CHCHD6: variants seen among roughly 807,000 people sequenced by gnomAD.
CHCHD6 encodes MICOS complex subunit MIC25.
Under a neutral mutation model 32.3 loss-of-function variants are expected in CHCHD6, and 28 were observed. The observed-to-expected ratio is 0.87, with a 90% confidence interval of 0.64 to 1.19. CHCHD6 has a LOEUF of 1.19. CHCHD6 is among the 50% of genes most tolerant of loss of function. The pLI is 0.00. For synonymous variants in CHCHD6, 122 were observed against 117.5 expected, an observed-to-expected ratio of 1.04 and a Z score of -0.25; for missense variants, 333 against 307.0, an observed-to-expected ratio of 1.08 and a Z score of -0.63.
At chr3:126,870,217 C>T (rs1032250973) in intron 5 of CHCHD6, among the ~76,000 whole-genome samples, 1 of 152,266 alleles carries the variant, frequency 6.6e-6, no homozygotes, top group Admixed American at 6.5e-5. Context: ...TATTCAGTCA[C>T]TTCTTCCTCC....
chr3:126,766,943 C>G, intron 4 of CHCHD6: 1 of 1,021,090 alleles, frequency 9.8e-7, no homozygotes, highest in Non-Finnish European at 1.5e-6. Flanking sequence ...CAGGAGAAGA[C>G]TCACTTCTGG....
At chr3:126,773,492 C>T (rs1937580307) in intron 4 of CHCHD6, among the ~76,000 whole-genome samples, 1 of 152,106 alleles carries the variant, frequency 6.6e-6, no homozygotes, top group African/African-American at 2.4e-5. Context: ...GAAAGTTTTC[C>T]TACTGTTCTC....
intron 4 of CHCHD6, among the ~76,000 whole-genome samples, chr3:126,756,823 G>A (rs1576378113): frequency 6.6e-6 from 1 of 152,238 alleles, no homozygotes; most frequent in South Asian, 2.1e-4. Context: ...TGTATGGAAT[G>A]TAAGGATGGA....
At chr3:126,765,980 C>T (rs1355935151) in intron 4 of CHCHD6, among the ~76,000 whole-genome samples, 2 of 152,132 alleles carry the variant, frequency 1.3e-5, no homozygotes, top group African/African-American at 2.4e-5. Context: ...TGGAAGCAGG[C>T]CGGTGACTTT....
chr3:126,915,827 G>C (rs1481627835), intron 6 of CHCHD6, among the ~76,000 whole-genome samples: 3 of 152,292 alleles, frequency 2.0e-5, no homozygotes, highest in African/African-American at 7.2e-5. Context: ...GTCTCACTGT[G>C]TGGGCCCAGC....
At chr3:126,771,335 G>A (rs2107676954) in intron 4 of CHCHD6, among the ~76,000 whole-genome samples, 1 of 151,786 alleles carries the variant, frequency 6.6e-6, no homozygotes, top group South Asian at 2.1e-4. Context: ...CTCCTGAGTA[G>A]CTGGGACTAC....
intron 6 of CHCHD6, among the ~76,000 whole-genome samples, chr3:126,915,482 A>T (rs2078155481): frequency 6.6e-6 from 1 of 152,208 alleles, no homozygotes. Flanking sequence ...CTCTGTGTGA[A>T]GTTGGTCTCT....
At chr3:126,934,600 G>A (rs2078452499) in intron 6 of CHCHD6, among the ~76,000 whole-genome samples, 1 of 140,094 alleles carries the variant, frequency 7.1e-6, no homozygotes, top group African/African-American at 2.7e-5. Context: ...CCAGGCTGGA[G>A]TGCAGTGGCA....
At chr3:126,809,071 A>G (rs763136184) in intron 4 of CHCHD6, among the ~76,000 whole-genome samples, 4 of 151,984 alleles carry the variant, frequency 2.6e-5, no homozygotes, top group Non-Finnish European at 5.9e-5. Flanking sequence ...TCCCAGGTTC[A>G]AGTGATTCTC....
chr3:126,809,179 G>A lies in CHCHD6; in HGVS notation c.412-43468G>A, dbSNP rs927910031. ...AGCAGAGACAGAGTTTTGCTATGTT[G>A]GCCAGGCTGGTCTGGAACTCCTGGC... On this transcript the variant is annotated intron_variant, in intron 4 of 7. Coordinates refer to ENST00000290913, the MANE Select transcript of CHCHD6 (RefSeq NM_032343.3). 2.0e-5 allele frequency among the ~76,000 whole-genome samples: 3 copies of A among 152,160 alleles called. 1 individual carries two copies.
In CHCHD6 at chr3:126,714,776, G is replaced by T. The variant is rs565560472; in HGVS notation, c.87+10377G>T. 3.9e-5 allele frequency among the ~76,000 whole-genome samples: 6 copies of T among 152,298 alleles called. No individual in the cohort carries two copies. The East Asian group carries it at 1.2e-3, about 29-fold the overall frequency. On this transcript the variant is annotated intron_variant, in intron 1 of 7. Coordinates refer to ENST00000290913, the MANE Select transcript of CHCHD6 (RefSeq NM_032343.3). Reference sequence around the variant, plus strand: ...ACACTGCGTTGAGTGGATGGAGCATGGCTGCGTAGGCCTGTCTCGGCTGCT... The same window carrying T: ...ACACTGCGTTGAGTGGATGGAGCATTGCTGCGTAGGCCTGTCTCGGCTGCT...
chr3:126,767,143 C>T, intron 4 of CHCHD6: 1 of 1,582,450 alleles, frequency 6.3e-7, no homozygotes, highest in Non-Finnish European at 8.7e-7. Context: ...ATTCATGGCA[C>T]CCAAAGGAAT....
At chr3:126,883,269 G>T (rs890346957) in intron 5 of CHCHD6, among the ~76,000 whole-genome samples, 8 of 152,204 alleles carry the variant, frequency 5.3e-5, no homozygotes, top group African/African-American at 1.9e-4. Flanking sequence ...AATCCCAAGA[G>T]GAGGCTGTGG....
chr3:126,915,137 A>G (rs2107590568), intron 6 of CHCHD6, among the ~76,000 whole-genome samples: 1 of 152,284 alleles, frequency 6.6e-6, no homozygotes, highest in African/African-American at 2.4e-5. Context: ...AGGGGTTTTT[A>G]GGGGAAGGTG....
At chr3:126,778,735 G>A (rs1937774604) in intron 4 of CHCHD6, among the ~76,000 whole-genome samples, 1 of 152,026 alleles carries the variant, frequency 6.6e-6, no homozygotes, top group East Asian at 1.9e-4. Flanking sequence ...ACTTGATAGT[G>A]TCCTTTGAAG....
At chr3:126,707,252 A>G (rs1375969893) in intron 1 of CHCHD6, among the ~76,000 whole-genome samples, 1 of 142,760 alleles carries the variant, frequency 7.0e-6, no homozygotes, top group Non-Finnish European at 1.5e-5. Context: ...GGTGACAGAG[A>G]CTCCGTCTTA....
intron 6 of CHCHD6, among the ~76,000 whole-genome samples, chr3:126,940,356 T>A (rs1385621880): frequency 6.6e-6 from 1 of 152,236 alleles, no homozygotes; most frequent in Non-Finnish European, 1.5e-5. Flanking sequence ...TGCACAATAT[T>A]TGTATATCAG....
At chr3:126,714,522 C>T (rs1934918033) in intron 1 of CHCHD6, among the ~76,000 whole-genome samples, 2 of 152,102 alleles carry the variant, frequency 1.3e-5, no homozygotes, top group South Asian at 2.1e-4. Context: ...CTTCGGATCA[C>T]GGGGTTGGGC....
chr3:126,820,440 C>T (rs779222345), intron 4 of CHCHD6, among the ~76,000 whole-genome samples: 2 of 152,190 alleles, frequency 1.3e-5, no homozygotes, highest in Admixed American at 1.3e-4. Context: ...GATTGGTTTG[C>T]CTGCTCTTGC....
Sources: gnomAD v4.1 joint callset for allele counts (sites outside exome capture counted in the v4.1 genomes callset) on GRCh38, gnomAD v4.1.1 for gene constraint, MANE v1.5 for transcripts, NCBI Gene and HGNC (gene_info 2026-07-23, HGNC 2026-07-21) for gene names.